The following KCNH8 variants were observed in gnomAD, a reference collection of about 807,000 sequenced individuals.
KCNH8 encodes the protein potassium voltage-gated channel subfamily H member 8.
In KCNH8, 70 loss-of-function variants were observed where a neutral mutation model predicts 103.6. The observed-to-expected ratio is 0.68, with a 90% CI of 0.56 to 0.82. The LOEUF (loss-of-function observed/expected upper bound fraction) is 0.82. Ranked by LOEUF, KCNH8 falls within the 40% of genes least tolerant of loss-of-function variation. The pLI, the probability that KCNH8 is intolerant of heterozygous loss-of-function variation, is 0.00. For missense variants in KCNH8, 1,217 were observed against 1,329.9 expected (o/e 0.92, Z 1.32); for synonymous variants, 498 against 489.4 (o/e 1.02, Z -0.23).
intron 5 of KCNH8, among the ~76,000 whole-genome samples, chr3:19,349,343 C>T (rs1444674605): frequency 6.6e-6 from 1 of 151,946 alleles, no homozygotes; most frequent in East Asian, 1.9e-4. Flanking sequence ...ACTTTGCCAA[C>T]ATTTGAAGTC....
intron 5 of KCNH8, among the ~76,000 whole-genome samples, chr3:19,385,684 T>C (rs1574999385): frequency 6.6e-6 from 1 of 152,188 alleles, no homozygotes; most frequent in Non-Finnish European, 1.5e-5. Flanking sequence ...GGATTATTAG[T>C]CCCTCAAGCC....
chr3:19,479,352 G>A (rs773154432), intron 11 of KCNH8, among the ~76,000 whole-genome samples: 3 of 152,074 alleles, frequency 2.0e-5, no homozygotes, highest in Non-Finnish European at 2.9e-5. Flanking sequence ...TCAAAACTCA[G>A]GATGAAATTG....
chr3:19,519,518 A>T (rs2068935044), intron 15 of KCNH8, among the ~76,000 whole-genome samples: 1 of 150,942 alleles, frequency 6.6e-6, no homozygotes, highest in Non-Finnish European at 1.5e-5. Context: ...ATTGTTGCTA[A>T]TAAGAAGTAA....
chr3:19,460,816 C>T (rs2067613083), intron 11 of KCNH8, among the ~76,000 whole-genome samples: 1 of 152,116 alleles, frequency 6.6e-6, no homozygotes, highest in South Asian at 2.1e-4. Flanking sequence ...TCATCCTGTT[C>T]TTGTGATAGT....
intron 11 of KCNH8, among the ~76,000 whole-genome samples, chr3:19,500,232 C>G (rs992731892): frequency 2.6e-5 from 4 of 151,372 alleles, no homozygotes; most frequent in Non-Finnish European, 5.9e-5. Context: ...TCAACAAGAG[C>G]TAACTATCCT....
intron 8 of KCNH8, among the ~76,000 whole-genome samples, chr3:19,440,876 AACAG>A (rs1409030175): frequency 2.0e-5 from 3 of 152,154 alleles, no homozygotes; most frequent in East Asian, 1.9e-4. Flanking sequence ...TCATATAACA[AACAG>A]ACAATTTATT....
intron 7 of KCNH8, among the ~76,000 whole-genome samples, chr3:19,428,299 C>T (rs1329770419): frequency 6.6e-6 from 1 of 152,126 alleles, no homozygotes; most frequent in African/African-American, 2.4e-5. Context: ...AAATCAATGC[C>T]AGAAAATATT....
In KCNH8 at chr3:19,393,767, G is replaced by A. The variant is rs188594872; in HGVS notation, c.970-1337G>A. ...GAGAATGACAAAAAGAAATAAAAGA[G>A]CACAGCTAGCTGTCAAGTTCTTCAA... is the stretch of plus-strand genomic sequence containing the variant. On this transcript the variant is annotated intron_variant, in intron 6 of 15. Transcript: ENST00000328405. Among the ~76,000 whole-genome samples the A allele has an allele frequency of 1.8e-3, 267 of 152,100 alleles. 2 individuals carry two copies. The highest frequency in any genetic ancestry group is 5.9e-3 in the African/African-American group (247 of 41,524).
chr3:19,246,274 GTTTTTTTTTTTT>G (rs920423108), intron 1 of KCNH8, among the ~76,000 whole-genome samples: 1 of 86,350 alleles, frequency 1.2e-5, no homozygotes, highest in African/African-American at 4.9e-5. Flanking sequence ...TGTTGTTGTT[GTTTTTTTTTTTT>G]TTTTTTTTTT....
intron 1 of KCNH8, among the ~76,000 whole-genome samples, chr3:19,164,156 A>G (rs1485077419): frequency 1.3e-5 from 2 of 152,184 alleles, no homozygotes; most frequent in Non-Finnish European, 2.9e-5. Context: ...CATGCAGATG[A>G]CACGTGTCTC....
rs1480898426 is a variant in KCNH8, at chr3:19,366,825, A to G, written c.811+18860A>G. ...TTTTAAGATCAGTAAATACATAAGTAATAAATGATAAAAACAAATATATAT... is the reference window on the plus strand; with the variant it reads ...TTTTAAGATCAGTAAATACATAAGTGATAAATGATAAAAACAAATATATAT... On this transcript the variant is annotated intron_variant, in intron 5 of 15. Transcript: ENST00000328405. 4.6e-5 allele frequency among the ~76,000 whole-genome samples: 7 copies of G among 152,224 alleles called. No homozygotes were observed. The East Asian group carries it at 1.4e-3, about 29-fold the overall frequency.
At chr3:19,426,469 A>G (rs2125161617) in intron 7 of KCNH8, among the ~76,000 whole-genome samples, 1 of 151,536 alleles carries the variant, frequency 6.6e-6, no homozygotes, top group Non-Finnish European at 1.5e-5. Flanking sequence ...AACCACTCAG[A>G]TAGATATGCA....
chr3:19,433,402 T>C (rs1006504834), intron 7 of KCNH8, among the ~76,000 whole-genome samples: 3 of 152,206 alleles, frequency 2.0e-5, no homozygotes, highest in Admixed American at 1.3e-4. Flanking sequence ...AGTCATACTT[T>C]TTACACAGAG....
At chr3:19,405,788 T>C (rs1442023496) in intron 7 of KCNH8, among the ~76,000 whole-genome samples, 1 of 151,992 alleles carries the variant, frequency 6.6e-6, no homozygotes, top group Non-Finnish European at 1.5e-5. Context: ...ACCATATTTG[T>C]CTCAATTATT....
rs372865134 is a variant in KCNH8, at chr3:19,515,315, T to G, written c.2436-7T>G. 33 of 1,543,698 alleles carry G rather than the reference T, an allele frequency of 2.1e-5. No homozygotes were observed. The highest frequency in any genetic ancestry group is 2.6e-5 in the Non-Finnish European group (29 of 1,131,062). On this transcript the variant is annotated splice_region_variant and splice_polypyrimidine_tract_variant and intron_variant, in intron 13 of 15. Coordinates refer to ENST00000328405, the MANE Select transcript of KCNH8 (RefSeq NM_144633.3). ...CACAGCCAGCCAATTTCCTTTATTT[T>G]AAGTAGGATTGTTGATGGAATTGAA... is the stretch of plus-strand genomic sequence containing the variant.
chr3:19,427,799 A>T (rs1005878130), intron 7 of KCNH8, among the ~76,000 whole-genome samples: 1 of 152,178 alleles, frequency 6.6e-6, no homozygotes, highest in Non-Finnish European at 1.5e-5. Context: ...TGATCAATAT[A>T]AAAATAATGC....
chr3:19,304,563 A>T (rs2065105695), intron 3 of KCNH8, among the ~76,000 whole-genome samples: 1 of 152,164 alleles, frequency 6.6e-6, no homozygotes, highest in South Asian at 2.1e-4. Flanking sequence ...ACTTGTGAAG[A>T]TTAAAAGATA....
At chr3:19,251,110 C>T (rs974903386) in intron 1 of KCNH8, among the ~76,000 whole-genome samples, 1 of 152,056 alleles carries the variant, frequency 6.6e-6, no homozygotes, top group South Asian at 2.1e-4. Flanking sequence ...AAAGCTGTGC[C>T]GAGTTGATGA....
chr3:19,501,560 TC>T (rs1480948995), intron 11 of KCNH8, among the ~76,000 whole-genome samples: 1 of 152,096 alleles, frequency 6.6e-6, no homozygotes, highest in Non-Finnish European at 1.5e-5. Flanking sequence ...CAGCAGCACA[TC>T]AAAAACGTTA....
Sources: allele counts gnomAD v4.1 joint callset (sites outside exome capture counted in the v4.1 genomes callset), GRCh38; gene constraint gnomAD v4.1.1; transcripts MANE v1.5; gene names NCBI Gene and HGNC (gene_info 2026-07-23, HGNC 2026-07-21).